The following RIMS2 variants were observed in gnomAD, a reference collection of about 807,000 sequenced individuals.
RIMS2 encodes the protein regulating synaptic membrane exocytosis 2.
A neutral mutation model predicts 174.4 loss-of-function variants in RIMS2; 59 were observed. That is an observed-to-expected ratio of 0.34 (90% CI 0.27 to 0.42). RIMS2 has a LOEUF of 0.42. RIMS2 is among the 10% of genes least tolerant of loss of function. The probability of loss-of-function intolerance (pLI) is 1.00; values close to 1 mark genes in which losing one functional copy is unlikely to be tolerated. For synonymous variants in RIMS2, 606 were observed against 572.5 expected, an observed-to-expected ratio of 1.06 and a Z score of -0.84; for missense variants, 1,620 against 1,666.3, an observed-to-expected ratio of 0.97 and a Z score of 0.48.
At chr8:104,183,165 G>T (rs1170221589) in intron 19 of RIMS2, among the ~76,000 whole-genome samples, 1 of 151,594 alleles carries the variant, frequency 6.6e-6, no homozygotes, top group Non-Finnish European at 1.5e-5. Flanking sequence ...GCTTTCTAAA[G>T]AATTAAATTA....
chr8:103,993,161 T>G (rs17817711), intron 17 of RIMS2, among the ~76,000 whole-genome samples: 19,319 of 152,160 alleles, frequency 0.13, 1,699 homozygotes, highest in Non-Finnish European at 0.19. Context: ...TGAGTTAGTT[T>G]ACTATTAGAA....
intron 2 of RIMS2, among the ~76,000 whole-genome samples, chr8:103,740,655 A>C (rs546392411): frequency 6.6e-6 from 1 of 152,304 alleles, no homozygotes; most frequent in East Asian, 1.9e-4. Context: ...ACATATTTTT[A>C]AGATGACATC....
In RIMS2 at chr8:103,789,143, G is replaced by A. The variant is rs199863513; in HGVS notation, c.698+22606G>A. ...CCCTGCTTCGGCTCGTGCACGGTGC[G>A]CGCACCCACTGACCTGCGCCCACTG... On this transcript the variant is annotated intron_variant, in intron 3 of 23. Coordinates refer to ENST00000504942, the Ensembl canonical transcript of RIMS2. 7.8e-4 allele frequency among the ~76,000 whole-genome samples: 118 copies of A among 152,148 alleles called. 1 individual carries two copies. The highest frequency in any genetic ancestry group is 4.5e-3 in the East Asian group (23 of 5,168).
At chr8:103,996,729 A>C (rs999079646) in intron 17 of RIMS2, among the ~76,000 whole-genome samples, 1 of 151,878 alleles carries the variant, frequency 6.6e-6, no homozygotes, top group African/African-American at 2.4e-5. Context: ...CTTACTATAT[A>C]GCTCTGAACA....
intron 1 of RIMS2, among the ~76,000 whole-genome samples, chr8:103,625,770 A>G (rs989754342): frequency 2.0e-5 from 3 of 152,140 alleles, no homozygotes; most frequent in African/African-American, 7.2e-5. Context: ...ATTTACATCA[A>G]TGAACTAAAT....
At chr8:103,501,616 G>A (rs995174296) in intron 1 of RIMS2, 2 of 153,510 alleles carry the variant, frequency 1.3e-5, no homozygotes, top group African/African-American at 4.8e-5. Flanking sequence ...GCGCGGGCTA[G>A]GGGCCTAAGC....
In RIMS2 at chr8:103,927,725, A is replaced by G. The variant is rs532425462; in HGVS notation, c.2197-117A>G. On this transcript the variant is annotated intron_variant, in intron 10 of 23. Coordinates refer to ENST00000504942, the Ensembl canonical transcript of RIMS2. ...TAATTTTGATAAATATTGTCATGGA[A>G]AAATTGTATTTAAGGGATAGTTGTA... 48 of 699,838 alleles carry G rather than the reference A, an allele frequency of 6.9e-5. 1 individual carries two copies. In the South Asian group the frequency reaches 8.1e-4, roughly 12 times the overall value. The allele number at this position is 699,838 out of a possible 1,614,324, so 43.4% of individuals were successfully genotyped here.
intron 1 of RIMS2, among the ~76,000 whole-genome samples, chr8:103,550,349 A>G (rs970476107): frequency 6.6e-6 from 1 of 152,216 alleles, no homozygotes; most frequent in African/African-American, 2.4e-5. Context: ...CCTGTCCTGA[A>G]TGGCCCCTGG....
At chr8:103,755,500 C>T (rs2097980602) in intron 2 of RIMS2, among the ~76,000 whole-genome samples, 1 of 152,152 alleles carries the variant, frequency 6.6e-6, no homozygotes, top group South Asian at 2.1e-4. Context: ...GGGAAGTTCT[C>T]CTGGATAATA....
intron 3 of RIMS2, among the ~76,000 whole-genome samples, chr8:103,842,192 T>C (rs1470534801): frequency 6.6e-6 from 1 of 152,144 alleles, no homozygotes; most frequent in East Asian, 1.9e-4. Context: ...ACTCTCCTTA[T>C]AATTTCAGTT....
intron 2 of RIMS2, among the ~76,000 whole-genome samples, chr8:103,713,321 A>G (rs376651082): frequency 3.3e-5 from 5 of 152,124 alleles, no homozygotes; most frequent in Non-Finnish European, 7.4e-5. Context: ...GCCCGGCCTA[A>G]TATCTTGTGT....
At chr8:103,924,936 G>A (rs1000902017) in intron 10 of RIMS2, among the ~76,000 whole-genome samples, 4 of 151,580 alleles carry the variant, frequency 2.6e-5, no homozygotes, top group Admixed American at 2.6e-4. Context: ...ATGAGTTCGG[G>A]TTTATGCCAA....
chr8:104,249,196 G>C (rs1318688781), intron 21 of RIMS2, among the ~76,000 whole-genome samples: 2 of 151,752 alleles, frequency 1.3e-5, no homozygotes, highest in Non-Finnish European at 2.9e-5. Context: ...ACCTCCCAAA[G>C]TGCTGGGATT....
chr8:103,740,934 A>G (rs1316871528), intron 2 of RIMS2, among the ~76,000 whole-genome samples: 1 of 152,070 alleles, frequency 6.6e-6, no homozygotes, highest in Admixed American at 6.6e-5. Context: ...CACATGTAAT[A>G]TATTTTTTGC....
At chr8:103,965,318 A>T (rs990542018) in intron 15 of RIMS2, among the ~76,000 whole-genome samples, 1 of 151,994 alleles carries the variant, frequency 6.6e-6, no homozygotes, top group African/African-American at 2.4e-5. Context: ...TTTTTATTTC[A>T]TTCATCAGAG....
chr8:104,155,287 T>C lies in RIMS2; in HGVS notation c.3335-89629T>C, dbSNP rs536505820. On this transcript the variant is annotated intron_variant, in intron 19 of 23. Transcript: ENST00000504942. ...ACGCCTGGCTAATTTTTTGTATTTT[T>C]AGTAGAGACAGGGTTTCACCGTGTT... is the stretch of plus-strand genomic sequence containing the variant. 4.0e-5 allele frequency among the ~76,000 whole-genome samples: 6 copies of C among 151,338 alleles called. No homozygotes were observed. The South Asian group carries it at 1.0e-3, about 26-fold the overall frequency.
exon 18 of RIMS2, chr8:104,013,565 G>A: frequency 1.9e-6 from 3 of 1,613,840 alleles, no homozygotes; most frequent in Non-Finnish European, 2.5e-6. Context: ...ACCTCATGAG[G>A]TCGATGCCTT....
At chr8:103,516,501 G>C (rs1224087377) in intron 1 of RIMS2, among the ~76,000 whole-genome samples, 1 of 151,654 alleles carries the variant, frequency 6.6e-6, no homozygotes, top group Non-Finnish European at 1.5e-5. Context: ...TGACTCTCTT[G>C]GTAATTGTTA....
chr8:103,796,815 G>A lies in RIMS2; in HGVS notation c.698+30278G>A, dbSNP rs1193860216. On this transcript the variant is annotated intron_variant, in intron 3 of 23. Coordinates refer to ENST00000504942, the Ensembl canonical transcript of RIMS2. ...AACTAGTATGTTGGATAAGAGTGTA[G>A]CTTTAGGCCTGTGCATTTGGCTGTC... is the stretch of plus-strand genomic sequence containing the variant. 2.6e-5 allele frequency among the ~76,000 whole-genome samples: 4 copies of A among 152,280 alleles called. No homozygotes were observed. The East Asian group carries it at 7.7e-4, about 29-fold the overall frequency.
Sources: allele counts gnomAD v4.1 joint callset (sites outside exome capture counted in the v4.1 genomes callset), GRCh38; gene constraint gnomAD v4.1.1; transcripts MANE v1.5; gene names NCBI Gene and HGNC (gene_info 2026-07-23, HGNC 2026-07-21).